Variants in ADGRA2 observed in about 807,000 individuals in gnomAD.
ADGRA2 encodes adhesion G protein-coupled receptor A2.
ADGRA2 carries 61 observed loss-of-function variants against 98.7 expected under a neutral mutation model. The ratio of observed to expected loss-of-function variants is 0.62; its 90% CI spans 0.50 to 0.76. The LOEUF (loss-of-function observed/expected upper bound fraction) is 0.76, where lower values mean the gene tolerates loss of function less well. ADGRA2 is among the 30% of genes least tolerant of loss of function. ADGRA2 has a pLI of 0.00. For synonymous variants in ADGRA2, 858 were observed against 831.5 expected (o/e 1.03, Z -0.55); for missense variants, 1,712 against 1,860.0 (o/e 0.92, Z 1.46).
At position 37,837,918 on chromosome 8, in the gene ADGRA2, G is replaced by C; in HGVS notation, c.2238G>C (p.Leu746Phe). The part of the protein sequence containing the change: ...PNVSALHCQH[L>F]GNVAVLMELS... ...TCAGCGCCCTGCACTGCCAGCACTT[G>C]GGCAATGTGGCCGTGCTCATGGTGG... The change falls in exon 14 of 19, where the codon TTG becomes TTC. Residue 746 changes from leucine (L) to phenylalanine (F), a missense_variant. By Grantham distance (22) the Leu-to-Phe change is conservative (BLOSUM62 0). Coordinates refer to ENST00000412232, the MANE Select transcript of ADGRA2 (RefSeq NM_032777.10). 1 of 1,468,110 alleles carries C rather than the reference G, an allele frequency of 6.8e-7. No homozygotes were observed. The highest frequency in any genetic ancestry group is 1.4e-5 in the South Asian group (1 of 69,642). 90.9% of individuals were successfully genotyped at this position (1,468,110 alleles called of 1,614,324 possible). A position where few individuals can be genotyped will look rare whatever the true frequency, so the allele number is the denominator to read the frequency against.
chr8:37,837,017 C>T (rs990908095), intron 13 of ADGRA2, among the ~76,000 whole-genome samples: 1 of 152,202 alleles, frequency 6.6e-6, no homozygotes, highest in East Asian at 1.9e-4. Flanking sequence ...GCAGAGAGGA[C>T]AGGCAGTGGA....
At chr8:37,835,150 G>A (rs1805568549) in intron 11 of ADGRA2, 24 bp from the exon 12 acceptor site, 2 of 1,572,308 alleles carry the variant, frequency 1.3e-6, no homozygotes, top group African/African-American at 1.3e-5. Flanking sequence ...TCAAATGGTG[G>A]GATGACAAGG....
In ADGRA2 at chr8:37,834,695, A is replaced by T. The variant is rs1367500459; in HGVS notation, c.1609-479A>T. ...GATCTCCCAAGGCCAGGAGTTGGAGACCAGCCTGGGCAACAGAGAGACCTG... is the reference window on the plus strand; with the variant it reads ...GATCTCCCAAGGCCAGGAGTTGGAGTCCAGCCTGGGCAACAGAGAGACCTG... On this transcript the variant is annotated intron_variant, in intron 11 of 18. Coordinates refer to ENST00000412232, the MANE Select transcript of ADGRA2 (RefSeq NM_032777.10). The surrounding 1 kb of genome is among the most constrained non-coding windows in gnomAD (Gnocchi z 4.2). 6.6e-6 allele frequency among the ~76,000 whole-genome samples: 1 copy of T among 152,044 alleles called. No homozygotes were observed. The highest frequency in any genetic ancestry group is 6.6e-5 in the Admixed American group (1 of 15,260).
At position 37,806,526 on chromosome 8, in the gene ADGRA2, C is replaced by CTTTTTTTTTTT. The variant is rs533491458; in HGVS notation, c.267-8364_267-8354dup. Among the ~76,000 whole-genome samples the CTTTTTTTTTTT allele has an allele frequency of 2.0e-3, 196 of 100,336 alleles. 30 individuals are homozygous for CTTTTTTTTTTT. Among genetic ancestry groups the CTTTTTTTTTTT allele is most frequent in the African/African-American group, 9.2e-3 (179 of 19,474 alleles). 65.8% of individuals were successfully genotyped at this position (100,336 alleles called of 152,430 possible). A position where few individuals can be genotyped will look rare whatever the true frequency, so the allele number is the denominator to read the frequency against. ...CTTTTTCTTTTTCTTTTTTCTTTTT[C>CTTTTTTTTTTT]TTTTTTTTTTTTTTTTGAGACAGAG... On this transcript the variant is annotated intron_variant, in intron 1 of 18. Coordinates refer to ENST00000412232, the MANE Select transcript of ADGRA2 (RefSeq NM_032777.10).
In ADGRA2 at chr8:37,835,250, AGAG is replaced by A; in HGVS notation, c.1690_1692del (p.Arg564del). The A allele has an allele frequency of 1.2e-6, 2 of 1,613,930 alleles. No homozygotes were observed. The highest frequency in any genetic ancestry group is 2.2e-5 in the South Asian group (2 of 91,076). Reference sequence around the variant, plus strand: ...GTGGGCCTGACCTGCACAGCCTTCCAGAGGAGGGAGGGAGGGGTGCCGGGCACA... The same window carrying A: ...GTGGGCCTGACCTGCACAGCCTTCCAGAGGGAGGGAGGGGTGCCGGGCACA... On this transcript the variant is annotated inframe_deletion, in exon 12 of 19. Transcript: ENST00000412232.
Position 37,842,414 on chromosome 8 carries a change from G to T in ADGRA2, c.*59G>T. 1 of 1,417,376 alleles carries T rather than the reference G, an allele frequency of 7.1e-7. No homozygotes were observed. Among genetic ancestry groups the T allele is most frequent in the Non-Finnish European group, 9.2e-7 (1 of 1,086,764 alleles). 87.8% of individuals were successfully genotyped at this position (1,417,376 alleles called of 1,614,324 possible). Reference sequence around the variant, plus strand: ...ACGCGGCTCGTTCCCCCGCTCCTCGGGGCCCTCCAAGGTGTCTCCGTAGTC... The same window carrying T: ...ACGCGGCTCGTTCCCCCGCTCCTCGTGGCCCTCCAAGGTGTCTCCGTAGTC... On this transcript the variant is annotated 3_prime_UTR_variant, in exon 19 of 19. Transcript: ENST00000412232.
intron 1 of ADGRA2, among the ~76,000 whole-genome samples, chr8:37,803,974 G>C (rs1804577710): frequency 6.6e-6 from 1 of 152,022 alleles, no homozygotes; most frequent in Non-Finnish European, 1.5e-5. Context: ...TGGGAATTGT[G>C]TATCAAGGCA....
At position 37,797,437 on chromosome 8, in the gene ADGRA2, G is replaced by A. The variant is rs1211538147; in HGVS notation, c.169G>A (p.Gly57Ser). The A allele has an allele frequency of 7.1e-7, 1 of 1,418,078 alleles. No individual in the cohort carries two copies. 87.8% of individuals were successfully genotyped at this position (1,418,078 alleles called of 1,614,324 possible). The stretch of plus-strand genomic sequence containing the variant: ...GGAGCGGCCCAAGGGGCTGAGCGGC[G>A]GCGTCCCTGGCCCGGCTCGGCGGAG... Reference protein sequence around the residue: ...SGERPKGLSGGVPGPARRRVV... With the variant: ...SGERPKGLSGSVPGPARRRVV... The change falls in exon 1 of 19, where the codon GGC becomes AGC. Residue 57 changes from glycine (G) to serine (S), a missense_variant. Physicochemically the swap from Gly to Ser is moderately conservative, Grantham distance 56. Transcript: ENST00000412232. This position sits in a 1 kb window ranked among gnomAD's most constrained non-coding sequence, Gnocchi z 5.3.
chr8:37,818,249 A>G (rs1805033006), intron 2 of ADGRA2, among the ~76,000 whole-genome samples: 1 of 152,060 alleles, frequency 6.6e-6, no homozygotes, highest in African/African-American at 2.4e-5. Context: ...CACCTCCCAC[A>G]ATGGCTCTTC....
intron 1 of ADGRA2, among the ~76,000 whole-genome samples, chr8:37,804,100 GACACACACACAC>G (rs60565183): frequency 1.7e-3 from 179 of 107,196 alleles, no homozygotes; most frequent in Middle Eastern, 6.0e-3. Flanking sequence ...CCCACGGTGA[GACACACACACAC>G]ACACACACAC....
Position 37,844,450 on chromosome 8 carries a change from AG to A in ADGRA2, c.*2096del, listed in dbSNP as rs762523441. The A allele has an allele frequency of 6.3e-7, 1 of 1,593,992 alleles. No homozygotes were observed. Among genetic ancestry groups the A allele is most frequent in the South Asian group, 1.1e-5 (1 of 88,790 alleles). ...CTTGGTTATAACAGGAATGTTATCA[AG>A]CTGTCAGAACAGGATGAAGTGCTCC... On this transcript the variant is annotated 3_prime_UTR_variant, in exon 19 of 19. Coordinates refer to ENST00000412232, the MANE Select transcript of ADGRA2 (RefSeq NM_032777.10).
At chr8:37,839,337 T>G (rs57065321) in intron 15 of ADGRA2, 162 bp from the exon 16 acceptor site, 5 of 877,578 alleles carry the variant, frequency 5.7e-6, no homozygotes, top group African/African-American at 5.4e-5. Context: ...TGGAATCACT[T>G]TGAGGGGTTA....
chr8:37,835,421 G>A (rs1245738276), intron 12 of ADGRA2, 23 bp downstream of exon 12: 6 of 1,594,614 alleles, frequency 3.8e-6, no homozygotes, highest in Non-Finnish European at 5.1e-6. Context: ...GGAGGGAGAG[G>A]GGGTGGGAGA....
chr8:37,830,907 T>C lies in ADGRA2; in HGVS notation c.916T>C (p.Cys306Arg). ...CCTGGCCGAGAGCCTCATCCACGAC[T>C]GCACCTTCATCACCAGGTATGAGCC... is the stretch of plus-strand genomic sequence containing the variant. ...ILLAESLIHD[C>R]TFITSELTLS... is the part of the protein sequence containing the mutation. The change falls in exon 7 of 19, where the codon TGC becomes CGC. Residue 306 changes from cysteine to arginine, a missense_variant. Physicochemically the swap from Cys to Arg is radical, Grantham distance 180. Coordinates refer to ENST00000412232, the MANE Select transcript of ADGRA2 (RefSeq NM_032777.10). This position sits in a 1 kb window ranked among gnomAD's most constrained non-coding sequence, Gnocchi z 4.8. 1 of 1,578,718 alleles carries C rather than the reference T, an allele frequency of 6.3e-7. No homozygotes were observed. The highest frequency in any genetic ancestry group is 8.6e-7 in the Non-Finnish European group (1 of 1,161,988).
intron 14 of ADGRA2, 122 bp from the exon 15 acceptor site, chr8:37,838,834 C>A (rs1213749736): frequency 8.9e-5 from 107 of 1,198,772 alleles, no homozygotes; most frequent in Admixed American, 1.5e-4. Flanking sequence ...TCCTCCCTGC[C>A]CAGATGAACT....
chr8:37,839,192 C>G, intron 15 of ADGRA2, 109 bp downstream of exon 15: 1 of 1,445,948 alleles, frequency 6.9e-7, no homozygotes, highest in Non-Finnish European at 9.7e-7. Context: ...TCCAGCTTTG[C>G]AATGGGGGAG....
At chr8:37,839,352 C>T (rs2130055451) in intron 15 of ADGRA2, 147 bp from the exon 16 acceptor site, 1 of 1,424,088 alleles carries the variant, frequency 7.0e-7, no homozygotes, top group Non-Finnish European at 9.4e-7. Context: ...GGGTTAAGGA[C>T]TCCCTACCCT....
chr8:37,824,117 C>T lies in ADGRA2; in HGVS notation c.339-4771C>T, dbSNP rs182446657. On this transcript the variant is annotated intron_variant, in intron 2 of 18. Transcript: ENST00000412232. ...CATGGTCTCAGCTCACTGCAATCTC[C>T]GCCTCCTGGGTTCAAGTGATTCTCC... Among the ~76,000 whole-genome samples the T allele has an allele frequency of 3.3e-3, 509 of 152,200 alleles. 1 individual carries two copies. Among genetic ancestry groups the T allele is most frequent in the Non-Finnish European group, 6.1e-3 (418 of 68,014 alleles).
chr8:37,811,165 T>G (rs35345880), intron 1 of ADGRA2, among the ~76,000 whole-genome samples: 4 of 94,316 alleles, frequency 4.2e-5, no homozygotes, highest in East Asian at 4.5e-4. Context: ...TGTGTGTGTG[T>G]GTGTTTTTTT....
Sources: allele counts gnomAD v4.1 joint callset (sites outside exome capture counted in the v4.1 genomes callset), GRCh38; gene constraint gnomAD v4.1.1; non-coding constraint Gnocchi (gnomAD v3.1); transcripts MANE v1.5; gene names NCBI Gene and HGNC (gene_info 2026-07-23, HGNC 2026-07-21).